The following ADAM22 variants were observed in gnomAD, a reference collection of about 807,000 sequenced individuals.
The protein encoded by ADAM22 is ADAM metallopeptidase domain 22, also known as disintegrin and metalloproteinase domain-containing protein 22.
ADAM22 carries 65 observed loss-of-function variants against 144.6 expected under a neutral mutation model. That is an observed-to-expected ratio of 0.45 (90% confidence interval 0.37 to 0.55). The LOEUF (loss-of-function observed/expected upper bound fraction) is 0.55. ADAM22 is among the 20% of genes least tolerant of loss of function. The pLI, the probability that ADAM22 is intolerant of heterozygous loss-of-function variation, is 0.00. For missense variants in ADAM22, 974 were observed against 1,184.9 expected (o/e 0.82, Z 2.61); for synonymous variants, 391 against 412.6 (o/e 0.95, Z 0.63).
At chr7:88,092,664 T>G (rs1428370718) in intron 4 of ADAM22, among the ~76,000 whole-genome samples, 1 of 152,218 alleles carries the variant, frequency 6.6e-6, no homozygotes, top group Non-Finnish European at 1.5e-5. Context: ...TTGGGGGGAT[T>G]AAGTAAATTT....
At chr7:88,079,529 C>T (rs570367954) in intron 4 of ADAM22, among the ~76,000 whole-genome samples, 2 of 152,274 alleles carry the variant, frequency 1.3e-5, no homozygotes, top group East Asian at 1.9e-4. Context: ...GCTAAATGCT[C>T]CAATTAAAAG....
chr7:88,013,888 G>A (rs111972154), intron 3 of ADAM22, among the ~76,000 whole-genome samples: 26 of 152,302 alleles, frequency 1.7e-4, no homozygotes, highest in East Asian at 1.2e-3. Context: ...CCCAAATGAC[G>A]TGAATTATAG....
chr7:88,075,632 G>T lies in ADAM22; in HGVS notation c.330G>T (p.Leu110Phe), dbSNP rs200412193. ...FILDVVLNHD[L>F]LSSEYIERHI... ...TTTATTTTTGTTGTTGCAGTGATTTGCTGTCCTCTGAATACATAGAGAGAC... is the reference window on the plus strand; with the variant it reads ...TTTATTTTTGTTGTTGCAGTGATTTTCTGTCCTCTGAATACATAGAGAGAC... The change falls in exon 4 of 32, where the codon TTG becomes TTT. Residue 110 changes from leucine to phenylalanine, a missense_variant. Physicochemically the swap from Leu to Phe is conservative, Grantham distance 22. Transcript: ENST00000413139. The T allele has an allele frequency of 3.1e-6, 5 of 1,613,330 alleles. No individual in the cohort carries two copies. The highest frequency in any genetic ancestry group is 3.4e-6 in the Non-Finnish European group (4 of 1,179,664).
chr7:87,964,642 G>A (rs1439217996), intron 2 of ADAM22: 2 of 427,316 alleles, frequency 4.7e-6, no homozygotes, highest in African/African-American at 4.1e-5. Flanking sequence ...AGATTCAGAT[G>A]TTTTTGAAGT....
chr7:88,099,783 T>G (rs1300482003), intron 4 of ADAM22, among the ~76,000 whole-genome samples: 2 of 152,234 alleles, frequency 1.3e-5, no homozygotes, highest in Non-Finnish European at 2.9e-5. Flanking sequence ...CTTGGTCTTA[T>G]ACTTTTATAT....
At chr7:88,149,180 A>G (rs745370751) in intron 18 of ADAM22, 123 bp downstream of exon 18, 4 of 700,730 alleles carry the variant, frequency 5.7e-6, no homozygotes, top group Non-Finnish European at 9.6e-6. Flanking sequence ...TCATTTCTCC[A>G]TTTTTTTTAG....
chr7:88,147,476 G>T (rs193003420), intron 17 of ADAM22, among the ~76,000 whole-genome samples: 1 of 152,302 alleles, frequency 6.6e-6, no homozygotes, highest in Admixed American at 6.5e-5. Context: ...CTCTGCCTTT[G>T]AAAGCAGCCT....
chr7:88,125,715 C>A, intron 8 of ADAM22, 56 bp downstream of exon 8: 2 of 1,369,772 alleles, frequency 1.5e-6, no homozygotes, highest in South Asian at 2.7e-5. Context: ...AACTGCCAGT[C>A]ATTTGAATCT....
intron 22 of ADAM22, among the ~76,000 whole-genome samples, chr7:88,162,614 C>T (rs897041880): frequency 6.6e-6 from 1 of 151,598 alleles, no homozygotes; most frequent in African/African-American, 2.4e-5. Context: ...TGCAGGTTTG[C>T]TATATTGAAT....
At chr7:88,046,784 G>T (rs1033145603) in intron 3 of ADAM22, among the ~76,000 whole-genome samples, 30 of 152,192 alleles carry the variant, frequency 2.0e-4, no homozygotes, top group African/African-American at 6.0e-4. Flanking sequence ...TTTGCATGTG[G>T]TTATCCAGTT....
chr7:88,201,172 GTTGT>G lies in ADAM22; in HGVS notation c.*4686_*4689del, dbSNP rs1158854069. 2.6e-5 allele frequency: 4 copies of G among 152,328 alleles called. No homozygotes were observed. Among genetic ancestry groups the G allele is most frequent in the East Asian group, 3.9e-4 (2 of 5,184 alleles). 9.4% of individuals were successfully genotyped at this position (152,328 alleles called of 1,614,324 possible). On this transcript the variant is annotated 3_prime_UTR_variant, in exon 32 of 32. Transcript: ENST00000413139. Reference sequence around the variant, plus strand: ...AGTCCCGCAAATGGAGCAACTTCTGGTTGTTTGTAAGCAGAAAAACAAAACATTC... The same window carrying G: ...AGTCCCGCAAATGGAGCAACTTCTGGTTGTAAGCAGAAAAACAAAACATTC...
At chr7:88,060,017 A>T (rs1443888752) in intron 3 of ADAM22, among the ~76,000 whole-genome samples, 1 of 152,162 alleles carries the variant, frequency 6.6e-6, no homozygotes, top group Non-Finnish European at 1.5e-5. Context: ...AAAAACCCCA[A>T]TACTGTGTTT....
intron 4 of ADAM22, among the ~76,000 whole-genome samples, chr7:88,083,587 TTGTGTGTGTGTGTGTGTGTG>T (rs35145003): frequency 7.9e-5 from 10 of 126,668 alleles, no homozygotes; most frequent in South Asian, 2.7e-4. Flanking sequence ...TACTTTGTGT[TTGTGTGTGTGTGTGTGTGTG>T]TGTGTGTGTG....
Position 88,181,562 on chromosome 7 carries a change from A to G in ADAM22, c.2553A>G (p.Ser851=). 6.2e-7 allele frequency: 1 copy of G among 1,613,904 alleles called. No individual in the cohort carries two copies. The highest frequency in any genetic ancestry group is 1.1e-5 in the South Asian group (1 of 91,058). Residue 851 remains serine, a synonymous_variant, in exon 28 of 32, where the codon TCA becomes TCG. Coordinates refer to ENST00000413139, the MANE Select transcript of ADAM22 (RefSeq NM_001324418.2). ...SERIPDTKHI[S]DICENGRPRS... ...GGATTCCAGACACAAAACATATTTC[A>G]GACATCTGTGAAAATGGGCGACCTC...
At chr7:88,079,559 A>T (rs1240403468) in intron 4 of ADAM22, among the ~76,000 whole-genome samples, 1 of 152,210 alleles carries the variant, frequency 6.6e-6, no homozygotes, top group Non-Finnish European at 1.5e-5. Context: ...GGCAAATTGG[A>T]TAAAGAGTCA....
intron 31 of ADAM22, among the ~76,000 whole-genome samples, chr7:88,196,189 C>T (rs992113504): frequency 2.6e-5 from 4 of 152,124 alleles, no homozygotes; most frequent in Admixed American, 2.0e-4. Context: ...ATTTGAGACA[C>T]AATATTGACT....
chr7:88,142,832 C>G (rs538042944), intron 14 of ADAM22, among the ~76,000 whole-genome samples, 194 bp from the exon 15 acceptor site: 1 of 142,690 alleles, frequency 7.0e-6, no homozygotes, highest in African/African-American at 2.9e-5. Context: ...AGCTAGACTC[C>G]GTCTCAAAAA....
intron 14 of ADAM22, among the ~76,000 whole-genome samples, chr7:88,137,644 A>G (rs1833334465): frequency 6.6e-6 from 1 of 152,140 alleles, no homozygotes; most frequent in African/African-American, 2.4e-5. Flanking sequence ...TTAGAATTTA[A>G]TCATGTGTAC....
chr7:88,023,329 G>A (rs1467512683), intron 3 of ADAM22, among the ~76,000 whole-genome samples: 1 of 152,114 alleles, frequency 6.6e-6, no homozygotes, highest in African/African-American at 2.4e-5. Flanking sequence ...TTTGATACAG[G>A]CATACAATGT....
Sources: gnomAD v4.1 joint callset for allele counts (sites outside exome capture counted in the v4.1 genomes callset) on GRCh38, gnomAD v4.1.1 for gene constraint, MANE v1.5 for transcripts, NCBI Gene and HGNC (gene_info 2026-07-23, HGNC 2026-07-21) for gene names.